SLC4A4: variants seen among roughly 807,000 people sequenced by gnomAD.
The protein encoded by SLC4A4 is solute carrier family 4 member 4, also known as electrogenic sodium bicarbonate cotransporter 1.
SLC4A4 carries 27 observed loss-of-function variants against 111.5 expected under a neutral mutation model. The observed-to-expected ratio is 0.24, with a 90% confidence interval of 0.18 to 0.33. The LOEUF (loss-of-function observed/expected upper bound fraction) is 0.33, where lower values mean the gene tolerates loss of function less well. SLC4A4 is among the 10% of genes least tolerant of loss of function. The probability of loss-of-function intolerance (pLI) is 1.00; values close to 1 mark genes in which losing one functional copy is unlikely to be tolerated. For synonymous variants in SLC4A4, 443 were observed against 463.4 expected (o/e 0.96, Z 0.57); for missense variants, 909 against 1,315.5 (o/e 0.69, Z 4.78).
intron 3 of SLC4A4, among the ~76,000 whole-genome samples, chr4:71,329,316 TC>T (rs1390065702): frequency 6.6e-6 from 1 of 152,108 alleles, no homozygotes; most frequent in Non-Finnish European, 1.5e-5. Flanking sequence ...CTTTTGTGGT[TC>T]CATATAGATT....
At chr4:71,530,511 C>T (rs1014452429) in intron 16 of SLC4A4, among the ~76,000 whole-genome samples, 1 of 152,094 alleles carries the variant, frequency 6.6e-6, no homozygotes, top group African/African-American at 2.4e-5. Flanking sequence ...TTCCTGCCAT[C>T]TATTGGTTCT....
intron 16 of SLC4A4, among the ~76,000 whole-genome samples, chr4:71,504,468 G>C (rs1017891102): frequency 9.3e-5 from 14 of 151,300 alleles, no homozygotes; most frequent in Admixed American, 2.6e-4. Context: ...ATTTCTGTTT[G>C]ATTCTTTTTT....
At chr4:71,316,923 T>C (rs1420003010) in intron 3 of SLC4A4, among the ~76,000 whole-genome samples, 2 of 152,062 alleles carry the variant, frequency 1.3e-5, no homozygotes, top group Admixed American at 1.3e-4. Flanking sequence ...AATCTTGCTG[T>C]ATTTCTCAGG....
At chr4:71,089,646 G>T (rs1742317153) in intron 1 of SLC4A4, among the ~76,000 whole-genome samples, 1 of 151,704 alleles carries the variant, frequency 6.6e-6, no homozygotes, top group Admixed American at 6.6e-5. Context: ...GTCTTTTGGA[G>T]TTTGCTGGAG....
At chr4:71,121,293 C>T (rs929807660) in intron 2 of SLC4A4, among the ~76,000 whole-genome samples, 58 of 152,200 alleles carry the variant, frequency 3.8e-4, no homozygotes, top group South Asian at 1.0e-3. Context: ...CCGTGGCGCC[C>T]GGTCTCATCG....
At chr4:71,285,110 C>A (rs1392934178) in intron 3 of SLC4A4, among the ~76,000 whole-genome samples, 1 of 152,160 alleles carries the variant, frequency 6.6e-6, no homozygotes. Flanking sequence ...GTGTGACATT[C>A]AGATGCCATT....
intron 4 of SLC4A4, among the ~76,000 whole-genome samples, chr4:71,346,899 T>C (rs1729377718): frequency 6.6e-6 from 1 of 152,180 alleles, no homozygotes; most frequent in South Asian, 2.1e-4. Context: ...CTGTAAGCTG[T>C]GCTGTAATAT....
At chr4:71,348,953 A>G (rs762670390) in intron 4 of SLC4A4, among the ~76,000 whole-genome samples, 3 of 152,146 alleles carry the variant, frequency 2.0e-5, no homozygotes, top group Non-Finnish European at 2.9e-5. Flanking sequence ...ATCTCTTTCA[A>G]TATCTCTCAG....
chr4:71,530,436 TG>T (rs1313722639), intron 16 of SLC4A4, among the ~76,000 whole-genome samples: 2 of 152,146 alleles, frequency 1.3e-5, no homozygotes, highest in East Asian at 3.9e-4. Flanking sequence ...TAGGAAATAA[TG>T]GTGCAGGAGT....
chr4:71,535,354 A>T (rs1734322681), intron 18 of SLC4A4, among the ~76,000 whole-genome samples: 1 of 152,178 alleles, frequency 6.6e-6, no homozygotes, highest in South Asian at 2.1e-4. Context: ...AGAGATGAGG[A>T]AGATTCTGAT....
chr4:71,279,917 T>A (rs995399634), intron 3 of SLC4A4, among the ~76,000 whole-genome samples: 7 of 152,290 alleles, frequency 4.6e-5, no homozygotes, highest in Non-Finnish European at 7.4e-5. Flanking sequence ...TGCCTCAGCC[T>A]CCCCAGTAGC....
At chr4:71,168,465 G>A (rs572326330) in intron 2 of SLC4A4, among the ~76,000 whole-genome samples, 1 of 152,102 alleles carries the variant, frequency 6.6e-6, no homozygotes, top group African/African-American at 2.4e-5. Context: ...TTACAGGCGT[G>A]AGCCACTGCT....
chr4:71,294,811 T>G (rs1026808904), intron 3 of SLC4A4, among the ~76,000 whole-genome samples: 2 of 152,230 alleles, frequency 1.3e-5, no homozygotes, highest in Non-Finnish European at 2.9e-5. Flanking sequence ...GCTAGTGATA[T>G]GTAAAGAATG....
intron 2 of SLC4A4, among the ~76,000 whole-genome samples, chr4:71,164,044 G>A (rs1744674251): frequency 6.6e-6 from 1 of 152,046 alleles, no homozygotes; most frequent in African/African-American, 2.4e-5. Context: ...TCAGGAGTTT[G>A]AGACCAGCCT....
intron 22 of SLC4A4, 74 bp downstream of exon 22, chr4:71,557,959 C>G (rs115513978): frequency 2.1e-4 from 284 of 1,327,624 alleles, no homozygotes; most frequent in Non-Finnish European, 2.9e-4. Context: ...ATGGAAGACA[C>G]ACATGTCTTT....
intron 3 of SLC4A4, among the ~76,000 whole-genome samples, chr4:71,299,772 T>G (rs1401660390): frequency 1.3e-5 from 2 of 152,174 alleles, no homozygotes; most frequent in African/African-American, 2.4e-5. Flanking sequence ...TGGTCCTTCC[T>G]GCATGAGAGT....
Position 71,223,760 on chromosome 4 carries a change from C to T in SLC4A4, c.-1-12816C>T, listed in dbSNP as rs192686052. On this transcript the variant is annotated intron_variant, in intron 1 of 25. Transcript: ENST00000264485. ...CTTAGATCCAATGCTTTTAGGAGCT[C>T]GGGTCCTCACAGCCCTGTTCCGAGA... 1.5e-3 allele frequency among the ~76,000 whole-genome samples: 233 copies of T among 152,110 alleles called. 5 individuals carry two copies. The highest frequency in any genetic ancestry group is 1.9e-3 in the Non-Finnish European group (131 of 67,990).
intron 6 of SLC4A4, among the ~76,000 whole-genome samples, chr4:71,387,741 G>A (rs1261800885): frequency 1.3e-5 from 2 of 152,066 alleles, no homozygotes; most frequent in Non-Finnish European, 2.9e-5. Context: ...TGATCTGCCC[G>A]CCTCGGCCTC....
At chr4:71,502,602 A>C (rs116530616) in intron 16 of SLC4A4, among the ~76,000 whole-genome samples, 1 of 152,190 alleles carries the variant, frequency 6.6e-6, no homozygotes, top group Non-Finnish European at 1.5e-5. Context: ...AGTAGCATAC[A>C]TATTCAGGAG....
Sources: gnomAD v4.1 joint callset for allele counts (sites outside exome capture counted in the v4.1 genomes callset) on GRCh38, gnomAD v4.1.1 for gene constraint, MANE v1.5 for transcripts, NCBI Gene and HGNC (gene_info 2026-07-23, HGNC 2026-07-21) for gene names.